PRKCA: variants seen among roughly 807,000 people sequenced by gnomAD.
PRKCA encodes protein kinase C alpha type.
Under a neutral mutation model 87.0 loss-of-function variants are expected in PRKCA, and 27 were observed. The observed-to-expected ratio is 0.31, with a 90% CI of 0.23 to 0.43. PRKCA has a LOEUF of 0.43. Among genes scored for constraint, PRKCA ranks in the 20% least tolerant of loss-of-function variants. PRKCA has a pLI of 1.00. For missense variants in PRKCA, 518 were observed against 852.3 expected (o/e 0.61, Z 4.88); for synonymous variants, 329 against 311.1 (o/e 1.06, Z -0.61).
In PRKCA at chr17:66,734,549, G is replaced by A. The variant is rs532483623; in HGVS notation, c.1057-940G>A. Among the ~76,000 whole-genome samples, 17 of 152,240 alleles carry A rather than the reference G, an allele frequency of 1.1e-4. No individual in the cohort carries two copies. The South Asian group carries it at 1.5e-3, about 13-fold the overall frequency. On this transcript the variant is annotated intron_variant, in intron 9 of 16. Coordinates refer to ENST00000413366, the MANE Select transcript of PRKCA (RefSeq NM_002737.3). ...AGGGTAGCCAGAGGTTATTCTCATCGCCATCTTGGATTTGGTGCGTTTTGG... is the reference window on the plus strand; with the variant it reads ...AGGGTAGCCAGAGGTTATTCTCATCACCATCTTGGATTTGGTGCGTTTTGG...
At chr17:66,479,217 C>T (rs1915669339) in intron 2 of PRKCA, among the ~76,000 whole-genome samples, 1 of 152,110 alleles carries the variant, frequency 6.6e-6, no homozygotes, top group Admixed American at 6.5e-5. Context: ...TGAAAAGACA[C>T]TTTTCAAAAG....
At chr17:66,360,823 G>C (rs1908347385) in intron 2 of PRKCA, among the ~76,000 whole-genome samples, 1 of 152,182 alleles carries the variant, frequency 6.6e-6, no homozygotes, top group African/African-American at 2.4e-5. Context: ...GCGGTGGGTG[G>C]TCAGTTCCAA....
chr17:66,658,491 A>AAAC (rs61208838), intron 5 of PRKCA, among the ~76,000 whole-genome samples: 1,658 of 150,372 alleles, frequency 0.011, 11 homozygotes, highest in Middle Eastern at 0.031. Flanking sequence ...CTGTCTTCAA[A>AAAC]AACAACAACA....
chr17:66,351,181 T>C (rs1907721700), intron 2 of PRKCA, among the ~76,000 whole-genome samples: 1 of 152,194 alleles, frequency 6.6e-6, no homozygotes, highest in African/African-American at 2.4e-5. Flanking sequence ...GGGTGGATGC[T>C]TGAATGAGTA....
At position 66,805,129 on chromosome 17, in the gene PRKCA, A is replaced by T; in HGVS notation, c.*1092A>T. On this transcript the variant is annotated 3_prime_UTR_variant, in exon 17 of 17. Coordinates refer to ENST00000413366, the MANE Select transcript of PRKCA (RefSeq NM_002737.3). ...TCTAGCCCTGGATGTCCACTTAGGG[A>T]TAAAAAGAATATGGTTTTGGTTCCC... 6 of 983,990 alleles carry T rather than the reference A, an allele frequency of 6.1e-6. No homozygotes were observed. Among genetic ancestry groups the T allele is most frequent in the Non-Finnish European group, 7.2e-6 (6 of 828,606 alleles). The allele number at this position is 983,990 out of a possible 1,614,324, so 61.0% of individuals were successfully genotyped here. A position where few individuals can be genotyped will look rare whatever the true frequency, so the allele number is the denominator to read the frequency against.
chr17:66,735,566 T>C lies in PRKCA; in HGVS notation c.1134T>C (p.Asp378=). ...TGAAGAAGGATGTGGTGATTCAGGATGATGACGTGGAGTGCACCATGGTAG... is the reference window on the plus strand; with the variant it reads ...TGAAGAAGGATGTGGTGATTCAGGACGATGACGTGGAGTGCACCATGGTAG... ...KILKKDVVIQ[D]DDVECTMVEK... The change falls in exon 10 of 17, where the codon GAT becomes GAC. Residue 378 remains aspartate, a synonymous_variant. Transcript: ENST00000413366. 2 of 1,614,194 alleles carry C rather than the reference T, an allele frequency of 1.2e-6. No individual in the cohort carries two copies. The highest frequency in any genetic ancestry group is 1.1e-5 in the South Asian group (1 of 91,084).
At chr17:66,449,365 A>AT (rs1319943097) in intron 2 of PRKCA, among the ~76,000 whole-genome samples, 2 of 152,050 alleles carry the variant, frequency 1.3e-5, no homozygotes, top group Non-Finnish European at 2.9e-5. Context: ...AGATTGAGGA[A>AT]TTTTTTGGTA....
chr17:66,473,267 G>C (rs1216986193), intron 2 of PRKCA, among the ~76,000 whole-genome samples: 2 of 152,162 alleles, frequency 1.3e-5, no homozygotes, highest in Non-Finnish European at 2.9e-5. Context: ...CAGTCTCTGG[G>C]ATTGGCCTCA....
At chr17:66,386,827 A>T (rs1226465150) in intron 2 of PRKCA, among the ~76,000 whole-genome samples, 1 of 152,190 alleles carries the variant, frequency 6.6e-6, no homozygotes, top group East Asian at 1.9e-4. Flanking sequence ...AAGGCTTGAA[A>T]GCAAGAACAT....
chr17:66,503,639 TC>T (rs1214489724), intron 3 of PRKCA, among the ~76,000 whole-genome samples: 16 of 152,330 alleles, frequency 1.1e-4, no homozygotes, highest in African/African-American at 3.8e-4. Context: ...GGACTATATG[TC>T]TAGAAAGCAA....
intron 2 of PRKCA, among the ~76,000 whole-genome samples, chr17:66,463,436 C>T: frequency 6.6e-6 from 1 of 151,716 alleles, no homozygotes; most frequent in Non-Finnish European, 1.5e-5. Flanking sequence ...TGCTCTGTCG[C>T]CCAAGCTGGA....
intron 2 of PRKCA, among the ~76,000 whole-genome samples, chr17:66,491,356 T>G (rs981814876): frequency 6.6e-6 from 1 of 152,238 alleles, no homozygotes; most frequent in African/African-American, 2.4e-5. Context: ...TTTTGTTGGA[T>G]AGCCTATGCT....
intron 3 of PRKCA, among the ~76,000 whole-genome samples, chr17:66,587,636 A>T (rs1969638136): frequency 6.7e-6 from 1 of 150,170 alleles, no homozygotes; most frequent in Non-Finnish European, 1.5e-5. Context: ...AGATATATAG[A>T]TATATATAAC....
intron 2 of PRKCA, among the ~76,000 whole-genome samples, chr17:66,309,964 A>G (rs1292849064): frequency 6.6e-6 from 1 of 152,132 alleles, no homozygotes; most frequent in Non-Finnish European, 1.5e-5. Context: ...GATCCACTGT[A>G]CTGCTCAAAT....
intron 14 of PRKCA, among the ~76,000 whole-genome samples, chr17:66,781,796 TACTTAA>T (rs1975221837): frequency 1.3e-5 from 2 of 151,610 alleles, no homozygotes; most frequent in Admixed American, 1.3e-4. Context: ...AACATGAACG[TACTTAA>T]TGCCACAGTA....
chr17:66,552,674 G>A (rs1231634313), intron 3 of PRKCA, among the ~76,000 whole-genome samples: 4 of 152,122 alleles, frequency 2.6e-5, no homozygotes, highest in South Asian at 4.1e-4. Context: ...CAGCAAGATC[G>A]CAGTCATGGT....
intron 5 of PRKCA, among the ~76,000 whole-genome samples, chr17:66,661,573 T>C (rs1407546924): frequency 6.6e-6 from 1 of 152,220 alleles, no homozygotes; most frequent in Non-Finnish European, 1.5e-5. Flanking sequence ...CACGTCAACC[T>C]GCTCCTGGCC....
Position 66,804,212 on chromosome 17 carries a change from C to CA in PRKCA, c.*177dup. The stretch of plus-strand genomic sequence containing the variant: ...TCAACTGTTCAGGGTCTCTCTCTTA[C>CA]AACCAAGAACATTATCTTAGTGGAA... On this transcript the variant is annotated 3_prime_UTR_variant, in exon 17 of 17. Transcript: ENST00000413366. 2.5e-6 allele frequency: 2 copies of CA among 800,032 alleles called. No homozygotes were observed. The highest frequency in any genetic ancestry group is 3.7e-6 in the Non-Finnish European group (2 of 541,170). 49.6% of individuals were successfully genotyped at this position (800,032 alleles called of 1,614,324 possible).
At chr17:66,338,012 G>A (rs190386163) in intron 2 of PRKCA, among the ~76,000 whole-genome samples, 19 of 75,636 alleles carry the variant, frequency 2.5e-4, no homozygotes, top group South Asian at 1.9e-3. Context: ...CCCCCCCTCC[G>A]CCCCCCTTAA....
Sources: gnomAD v4.1 joint callset for allele counts (sites outside exome capture counted in the v4.1 genomes callset) on GRCh38, gnomAD v4.1.1 for gene constraint, MANE v1.5 for transcripts, NCBI Gene and HGNC (gene_info 2026-07-23, HGNC 2026-07-21) for gene names.